Variants in SORCS2 observed in about 807,000 individuals in gnomAD.
SORCS2 encodes sortilin related VPS10 domain containing receptor 2.
In SORCS2, 100 loss-of-function variants were observed where a neutral mutation model predicts 141.6. The observed-to-expected ratio is 0.71, with a 90% CI of 0.60 to 0.83. SORCS2 has a LOEUF of 0.83. Ranked by LOEUF, SORCS2 falls within the 40% of genes least tolerant of loss-of-function variation. SORCS2 has a pLI of 0.00. For synonymous variants in SORCS2, 789 were observed against 676.9 expected (o/e 1.17, Z -2.57); for missense variants, 1,646 against 1,560.2 (o/e 1.05, Z -0.93).
At chr4:7,405,538 GT>G (rs1724913685) in intron 2 of SORCS2, among the ~76,000 whole-genome samples, 1 of 151,990 alleles carries the variant, frequency 6.6e-6, no homozygotes, top group African/African-American at 2.4e-5. Flanking sequence ...GGCGTTTGTA[GT>G]TTTCCTTGTA....
At chr4:7,339,555 G>A (rs1272266128) in intron 1 of SORCS2, among the ~76,000 whole-genome samples, 1 of 151,924 alleles carries the variant, frequency 6.6e-6, no homozygotes, top group Non-Finnish European at 1.5e-5. Flanking sequence ...GCCCCACCCT[G>A]GTCTCTGCCT....
chr4:7,618,894 G>A (rs1326712119), intron 3 of SORCS2, among the ~76,000 whole-genome samples: 1 of 152,076 alleles, frequency 6.6e-6, no homozygotes, highest in African/African-American at 2.4e-5. Flanking sequence ...TCTCGGGCGG[G>A]GGCAGGAAGC....
In SORCS2 at chr4:7,286,047, C is replaced by G. The variant is rs1257005880; in HGVS notation, c.480+92921C>G. 6.6e-6 allele frequency among the ~76,000 whole-genome samples: 1 copy of G among 152,210 alleles called. No individual in the cohort carries two copies. The highest frequency in any genetic ancestry group is 1.9e-4 in the East Asian group (1 of 5,184). On this transcript the variant is annotated intron_variant, in intron 1 of 26. Transcript: ENST00000507866. The surrounding 1 kb of genome is among the most constrained non-coding windows in gnomAD (Gnocchi z 4.1). ...AGAGCCAGCTGCCCCGCCGGGGGCT[C>G]CCTGCCTGCCTCCCATCCATCTTCC...
chr4:7,204,536 G>T (rs1004389307), intron 1 of SORCS2, among the ~76,000 whole-genome samples: 1 of 152,122 alleles, frequency 6.6e-6, no homozygotes, highest in Non-Finnish European at 1.5e-5. Context: ...GTTTTTGATT[G>T]AGCCTGAGGT....
intron 1 of SORCS2, among the ~76,000 whole-genome samples, chr4:7,311,398 G>C (rs1033853782): frequency 1.3e-5 from 2 of 152,200 alleles, no homozygotes; most frequent in Admixed American, 1.3e-4. Flanking sequence ...AGCTTTCGTG[G>C]AGACACCTGT....
chr4:7,497,369 GGA>G (rs1731693275), intron 2 of SORCS2, among the ~76,000 whole-genome samples: 1 of 152,210 alleles, frequency 6.6e-6, no homozygotes, highest in African/African-American at 2.4e-5. Context: ...ATGGGATGTG[GGA>G]GACTTGTCCA....
chr4:7,219,132 A>G (rs896053678), intron 1 of SORCS2, among the ~76,000 whole-genome samples: 2 of 148,222 alleles, frequency 1.3e-5, no homozygotes, highest in Admixed American at 6.7e-5. Flanking sequence ...CCTTAATTAT[A>G]TTCTGCTAAT....
intron 2 of SORCS2, among the ~76,000 whole-genome samples, chr4:7,502,075 C>G (rs1732009739): frequency 6.6e-6 from 1 of 152,152 alleles, no homozygotes; most frequent in Admixed American, 6.5e-5. Flanking sequence ...TGTGCCCAGG[C>G]AGGGAGGGGA....
chr4:7,421,968 T>G lies in SORCS2; in HGVS notation c.548+25613T>G, dbSNP rs1345585126. ...CATGGTCGACCTTGAGATGCTCACTTCCCTTGTCGACCCCCACCTCCTCAT... is the reference window on the plus strand; with the variant it reads ...CATGGTCGACCTTGAGATGCTCACTGCCCTTGTCGACCCCCACCTCCTCAT... On this transcript the variant is annotated intron_variant, in intron 2 of 26. Coordinates refer to ENST00000507866, the MANE Select transcript of SORCS2 (RefSeq NM_020777.3). Among the ~76,000 whole-genome samples the G allele has an allele frequency of 5.3e-5, 8 of 151,516 alleles. No individual in the cohort carries two copies. In the East Asian group the frequency reaches 1.6e-3, roughly 30 times the overall value.
intron 1 of SORCS2, among the ~76,000 whole-genome samples, chr4:7,389,853 C>G (rs1369631943): frequency 1.3e-5 from 2 of 152,212 alleles, no homozygotes; most frequent in Non-Finnish European, 2.9e-5. Context: ...TGGAGGGAAC[C>G]AGACTGCTGA....
chr4:7,267,396 G>A (rs1714817413), intron 1 of SORCS2, among the ~76,000 whole-genome samples: 2 of 152,304 alleles, frequency 1.3e-5, no homozygotes, highest in African/African-American at 4.8e-5. Flanking sequence ...CCGAGGATGG[G>A]TCGAGTAGGG....
At chr4:7,696,021 C>T (rs1338918603) in intron 11 of SORCS2, among the ~76,000 whole-genome samples, 4 of 151,862 alleles carry the variant, frequency 2.6e-5, no homozygotes, top group African/African-American at 4.8e-5. Flanking sequence ...GGTGGATTTA[C>T]GAGTAGCTAG....
chr4:7,221,361 C>T (rs948401910), intron 1 of SORCS2, among the ~76,000 whole-genome samples: 4 of 152,222 alleles, frequency 2.6e-5, no homozygotes, highest in Non-Finnish European at 5.9e-5. Flanking sequence ...TTTGAATGAG[C>T]TCTCTGGGTA....
chr4:7,397,942 T>G (rs10000132), intron 2 of SORCS2, among the ~76,000 whole-genome samples: 1 of 152,088 alleles, frequency 6.6e-6, no homozygotes, highest in Non-Finnish European at 1.5e-5. Flanking sequence ...CAGTCCTCCT[T>G]GGCATGGAGG....
In SORCS2 at chr4:7,726,820, C is replaced by T. The variant is rs764278057; in HGVS notation, c.2786C>T (p.Ser929Leu). ...SLDNSVTTRF[S>L]DTGDVRVTVQ... Reference sequence around the variant, plus strand: ...GATAATTCTGTGACAACGCGGTTTTCGGACACGGGCGACGTGCGTGTGACG... The same window carrying T: ...GATAATTCTGTGACAACGCGGTTTTTGGACACGGGCGACGTGCGTGTGACG... Residue 929 changes from serine (S) to leucine (L), a missense_variant, in exon 21 of 27, where the codon TCG (serine) becomes TTG (leucine). Transcript: ENST00000507866. 21 of 1,613,732 alleles carry T rather than the reference C, an allele frequency of 1.3e-5. No homozygotes were observed. Among genetic ancestry groups the T allele is most frequent in the Middle Eastern group, 1.6e-4 (1 of 6,084 alleles).
At chr4:7,312,584 G>A (rs1381708095) in intron 1 of SORCS2, among the ~76,000 whole-genome samples, 1 of 152,188 alleles carries the variant, frequency 6.6e-6, no homozygotes, top group Non-Finnish European at 1.5e-5. Flanking sequence ...AGCATCCTCT[G>A]CCCTCCCTCC....
At chr4:7,580,664 A>T (rs1716083365) in intron 3 of SORCS2, among the ~76,000 whole-genome samples, 2 of 152,190 alleles carry the variant, frequency 1.3e-5, no homozygotes, top group African/African-American at 4.8e-5. Flanking sequence ...GGGAGCTACT[A>T]TGGGCAGCAG....
chr4:7,327,327 C>T (rs1386348053), intron 1 of SORCS2, among the ~76,000 whole-genome samples: 2 of 152,320 alleles, frequency 1.3e-5, no homozygotes, highest in East Asian at 1.9e-4. Context: ...CTGTGCTCCT[C>T]GGCTTGCACC....
intron 1 of SORCS2, among the ~76,000 whole-genome samples, chr4:7,368,970 C>T (rs1029858995): frequency 1.3e-5 from 2 of 152,158 alleles, no homozygotes; most frequent in African/African-American, 4.8e-5. Flanking sequence ...TTTCCGCCAT[C>T]ATGGTGAGGC....
Sources: gnomAD v4.1 joint callset for allele counts (sites outside exome capture counted in the v4.1 genomes callset) on GRCh38, gnomAD v4.1.1 for gene constraint, Gnocchi (gnomAD v3.1) non-coding constraint, MANE v1.5 for transcripts, NCBI Gene and HGNC (gene_info 2026-07-23, HGNC 2026-07-21) for gene names.